NGEF: variants seen among roughly 807,000 people sequenced by gnomAD.
NGEF encodes the protein neuronal guanine nucleotide exchange factor, also known as ephexin-1.
NGEF carries 31 observed loss-of-function variants against 80.9 expected under a neutral mutation model. That is an observed-to-expected ratio of 0.38 (90% CI 0.29 to 0.52). The LOEUF (loss-of-function observed/expected upper bound fraction) is 0.52. Ranked by LOEUF, NGEF falls within the 20% of genes least tolerant of loss-of-function variation. The probability of loss-of-function intolerance (pLI) is 0.84; values close to 1 mark genes in which losing one functional copy is unlikely to be tolerated. For missense variants in NGEF, 709 were observed against 926.2 expected (o/e 0.77, Z 3.04); for synonymous variants, 371 against 370.2 (o/e 1.00, Z -0.03).
intron 3 of NGEF, among the ~76,000 whole-genome samples, chr2:232,943,633 C>T (rs56202039): frequency 1.3e-5 from 2 of 151,162 alleles, no homozygotes; most frequent in Admixed American, 1.3e-4. Flanking sequence ...GTAGCTGGGA[C>T]TACAGGCGCC....
At chr2:232,978,283 G>T (rs990455236) in intron 1 of NGEF, among the ~76,000 whole-genome samples, 3 of 152,022 alleles carry the variant, frequency 2.0e-5, no homozygotes, top group Non-Finnish European at 2.9e-5. Flanking sequence ...ACAGGCTGAG[G>T]GGGGGGATCA....
At chr2:232,917,626 C>T (rs754116244) in intron 5 of NGEF, among the ~76,000 whole-genome samples, 3 of 151,520 alleles carry the variant, frequency 2.0e-5, no homozygotes, top group East Asian at 1.9e-4. Context: ...CCCGCCACCA[C>T]GCCTGGCTAA....
In NGEF at chr2:232,884,003, C is replaced by G. The variant is rs747329923; in HGVS notation, c.1579G>C (p.Val527Leu). The change falls in exon 11 of 15, where the codon GTG becomes CTG. Residue 527 changes from valine (V) to leucine (L), a missense_variant. Physicochemically the swap from Val to Leu is conservative, Grantham distance 32 (BLOSUM62 1). Around this residue, in one of 2 missense-constraint regions of NGEF, gnomAD observed 426 missense variants for 622.9 expected, o/e 0.68. Coordinates refer to ENST00000264051, the MANE Select transcript of NGEF (RefSeq NM_019850.3). ...CACCCTGGAATCTGCCGGCAGATCA[C>G]CAGCAGGTCGTTGAACAGGAAGAGG... ...IYLFLFNDLL[V>L]ICRQIPGDKY... 6.2e-7 allele frequency: 1 copy of G among 1,611,488 alleles called. No individual in the cohort carries two copies. Among genetic ancestry groups the G allele is most frequent in the Non-Finnish European group, 8.5e-7 (1 of 1,179,016 alleles).
At chr2:232,969,063 TA>T (rs1411529490) in intron 3 of NGEF, among the ~76,000 whole-genome samples, 2 of 152,250 alleles carry the variant, frequency 1.3e-5, no homozygotes, top group Admixed American at 1.3e-4. Flanking sequence ...TAAGCTGTGC[TA>T]TGTTTTAAAA....
intron 3 of NGEF, among the ~76,000 whole-genome samples, chr2:232,953,085 C>G (rs1426614904): frequency 6.7e-6 from 1 of 149,660 alleles, no homozygotes; most frequent in East Asian, 2.0e-4. Flanking sequence ...GGGCAGATCA[C>G]GAGGTCAGAT....
chr2:233,008,933 TG>T (rs1695146093), intron 1 of NGEF, among the ~76,000 whole-genome samples: 1 of 152,090 alleles, frequency 6.6e-6, no homozygotes, highest in Admixed American at 6.6e-5. Flanking sequence ...CCCGAGTAGC[TG>T]GGATTACAGG....
At chr2:232,904,588 CAAACAGTAACTA>C (rs1644226801) in intron 5 of NGEF, among the ~76,000 whole-genome samples, 2 of 152,178 alleles carry the variant, frequency 1.3e-5, no homozygotes, top group Admixed American at 1.3e-4. Flanking sequence ...GTTGGGTTCT[CAAACAGTAACTA>C]AAACACTATC....
chr2:232,982,771 C>A (rs1284826884), intron 1 of NGEF, among the ~76,000 whole-genome samples: 2 of 152,240 alleles, frequency 1.3e-5, no homozygotes, highest in Admixed American at 6.5e-5. Context: ...GCCTCAGCCT[C>A]CCAAAGTGCT....
At chr2:232,903,512 G>A (rs1409186754) in intron 5 of NGEF, among the ~76,000 whole-genome samples, 1 of 152,196 alleles carries the variant, frequency 6.6e-6, no homozygotes, top group African/African-American at 2.4e-5. Context: ...AGGAGTGGGA[G>A]AAAGACTTTC....
chr2:232,896,325 CA>C (rs1692057930), intron 5 of NGEF, among the ~76,000 whole-genome samples: 1 of 152,134 alleles, frequency 6.6e-6, no homozygotes, highest in African/African-American at 2.4e-5. Flanking sequence ...AGAGAAGGCA[CA>C]GACAGAGATG....
intron 5 of NGEF, among the ~76,000 whole-genome samples, chr2:232,918,628 G>GTTT (rs752153408): frequency 2.8e-5 from 3 of 108,026 alleles, no homozygotes; most frequent in East Asian, 2.6e-4. Flanking sequence ...TTATTTCTAA[G>GTTT]TTTTTTTTTT....
intron 14 of NGEF, among the ~76,000 whole-genome samples, chr2:232,880,649 T>C (rs980680612): frequency 2.0e-5 from 3 of 152,212 alleles, no homozygotes; most frequent in Admixed American, 1.3e-4. Context: ...CTACAGGGGC[T>C]GGGAGGAACT....
intron 3 of NGEF, among the ~76,000 whole-genome samples, chr2:232,944,977 C>G (rs375402082): frequency 1.3e-5 from 2 of 151,916 alleles, no homozygotes; most frequent in South Asian, 4.2e-4. Flanking sequence ...GTCCAGAACT[C>G]CTGACCTCAG....
At chr2:232,928,392 C>A (rs1480044278) in intron 3 of NGEF, among the ~76,000 whole-genome samples, 1 of 151,768 alleles carries the variant, frequency 6.6e-6, no homozygotes, top group Non-Finnish European at 1.5e-5. Context: ...GGCCCTGGAG[C>A]TGCGCCTTTG....
intron 4 of NGEF, among the ~76,000 whole-genome samples, chr2:232,922,545 T>G (rs1472077147): frequency 6.6e-6 from 1 of 152,218 alleles, no homozygotes; most frequent in African/African-American, 2.4e-5. Flanking sequence ...ACTGAAGATC[T>G]ATAAAGACAG....
chr2:232,884,679 CAG>C (rs905303609), intron 10 of NGEF, among the ~76,000 whole-genome samples: 13 of 152,180 alleles, frequency 8.5e-5, no homozygotes, highest in African/African-American at 9.7e-5. Context: ...CGATGCAACT[CAG>C]GGGCAGGCGC....
intron 1 of NGEF, among the ~76,000 whole-genome samples, chr2:233,010,528 A>G (rs745320206): frequency 5.3e-5 from 8 of 152,096 alleles, no homozygotes; most frequent in Non-Finnish European, 7.4e-5. Context: ...GGCCTTGCTG[A>G]TCATCCATCC....
intron 1 of NGEF, among the ~76,000 whole-genome samples, chr2:232,976,273 A>T (rs1000585901): frequency 1.3e-5 from 2 of 152,176 alleles, no homozygotes; most frequent in African/African-American, 4.8e-5. Context: ...TCTACGATTC[A>T]TCAGGAGTGT....
At chr2:232,959,579 CTT>C (rs10663890) in intron 3 of NGEF, among the ~76,000 whole-genome samples, 28,200 of 139,764 alleles carry the variant, frequency 0.2, 2,886 homozygotes, top group East Asian at 0.37. Context: ...CAGCAATGAC[CTT>C]TTTTTTTTTT....
Sources: gnomAD v4.1 joint callset for allele counts (sites outside exome capture counted in the v4.1 genomes callset) on GRCh38, gnomAD v4.1.1 for gene constraint, gnomAD v4.1.1 regional missense constraint, MANE v1.5 for transcripts, NCBI Gene and HGNC (gene_info 2026-07-23, HGNC 2026-07-21) for gene names.